The following ANK3 variants were observed in gnomAD, a reference collection of about 807,000 sequenced individuals.
ANK3 encodes ankyrin-3.
A neutral mutation model predicts 370.9 loss-of-function variants in ANK3; 57 were observed. That is an observed-to-expected ratio of 0.15 (90% CI 0.12 to 0.19). ANK3 has a LOEUF of 0.19. Among genes scored for constraint, ANK3 ranks in the 10% least tolerant of loss-of-function variants. The probability of loss-of-function intolerance (pLI) is 1.00; values close to 1 mark genes in which losing one functional copy is unlikely to be tolerated. For missense variants in ANK3, 4,439 were observed against 5,302.1 expected (o/e 0.84, Z 5.06); for synonymous variants, 1,929 against 1,946.3 (o/e 0.99, Z 0.23).
chr10:60,230,458 T>C (rs2097221877), intron 8 of ANK3, among the ~76,000 whole-genome samples: 1 of 152,208 alleles, frequency 6.6e-6, no homozygotes. Context: ...TCTCAGCACA[T>C]GTCCCACCAC....
At chr10:60,346,102 T>C (rs1456338057) in intron 1 of ANK3, among the ~76,000 whole-genome samples, 1 of 152,040 alleles carries the variant, frequency 6.6e-6, no homozygotes, top group Admixed American at 6.6e-5. Context: ...TCACTCTTTG[T>C]AACAAATACA....
chr10:60,190,789 CA>C (rs1461439520), intron 16 of ANK3, among the ~76,000 whole-genome samples: 1 of 152,014 alleles, frequency 6.6e-6, no homozygotes, highest in African/African-American at 2.4e-5. Flanking sequence ...CAATCCTAAG[CA>C]AAAAGAACAA....
At chr10:60,538,243 C>G (rs1415828211) in intron 2 of ANK3, among the ~76,000 whole-genome samples, 1 of 151,828 alleles carries the variant, frequency 6.6e-6, no homozygotes, top group Non-Finnish European at 1.5e-5. Flanking sequence ...ACAAGGATAA[C>G]AGATAAGGGA....
intron 1 of ANK3, among the ~76,000 whole-genome samples, chr10:60,283,652 T>TG (rs1361537798): frequency 6.6e-6 from 1 of 152,204 alleles, no homozygotes; most frequent in Non-Finnish European, 1.5e-5. Flanking sequence ...GAATCATGTA[T>TG]GTTTTTCAAG....
At chr10:60,441,634 A>G (rs1464567925) in intron 2 of ANK3, among the ~76,000 whole-genome samples, 1 of 152,188 alleles carries the variant, frequency 6.6e-6, no homozygotes, top group African/African-American at 2.4e-5. Context: ...ATCTGGCATA[A>G]TAAGTAAAAT....
intron 2 of ANK3, among the ~76,000 whole-genome samples, chr10:60,558,149 AC>A (rs1401765910): frequency 6.6e-6 from 1 of 152,138 alleles, no homozygotes; most frequent in East Asian, 1.9e-4. Context: ...TGAATTCAAT[AC>A]CTTTTATAGA....
Position 60,579,326 on chromosome 10 carries a change from T to TAAA in ANK3, c.96+35857_96+35859dup, listed in dbSNP as rs763281984. 8.5e-4 allele frequency among the ~76,000 whole-genome samples: 59 copies of TAAA among 69,024 alleles called. 1 individual carries two copies. Among genetic ancestry groups the TAAA allele is most frequent in the African/African-American group, 2.4e-3 (41 of 16,758 alleles). 45.3% of individuals were successfully genotyped at this position (69,024 alleles called of 152,430 possible). A position where few individuals can be genotyped will look rare whatever the true frequency, so the allele number is the denominator to read the frequency against. ...GCACCAGAGCGAGACTCTCTCTCAA[T>TAAA]AAAAAAAAAAAAAAAAAAAAAAAAG... On this transcript the variant is annotated intron_variant, in intron 2 of 43. Transcript: ENST00000373827.
chr10:60,540,430 C>T (rs1380117607), intron 2 of ANK3, among the ~76,000 whole-genome samples: 1 of 151,820 alleles, frequency 6.6e-6, no homozygotes, highest in Admixed American at 6.6e-5. Flanking sequence ...CAGATAAATC[C>T]CCTTCTTTGG....
intron 1 of ANK3, among the ~76,000 whole-genome samples, chr10:60,318,251 A>G (rs1162416732): frequency 6.6e-6 from 1 of 152,188 alleles, no homozygotes; most frequent in Non-Finnish European, 1.5e-5. Flanking sequence ...ATACTAGCTC[A>G]TATGTTTAAA....
intron 2 of ANK3, among the ~76,000 whole-genome samples, chr10:60,432,404 C>T (rs942602149): frequency 6.6e-6 from 1 of 152,184 alleles, no homozygotes; most frequent in Non-Finnish European, 1.5e-5. Context: ...CTCTGAAGGA[C>T]ATTAGGCCAC....
chr10:60,330,012 A>T (rs560418274), intron 1 of ANK3, among the ~76,000 whole-genome samples: 164 of 152,232 alleles, frequency 1.1e-3, no homozygotes, highest in Admixed American at 1.7e-3. Flanking sequence ...CTTTGACAAA[A>T]CTGACAAAAA....
chr10:60,477,773 G>A (rs10994369), intron 2 of ANK3, among the ~76,000 whole-genome samples: 57,496 of 151,666 alleles, frequency 0.38, 11,467 homozygotes, highest in Non-Finnish European at 0.45. Flanking sequence ...AAGCAAAAAA[G>A]GATAATAGAG....
At position 60,166,640 on chromosome 10, in the gene ANK3, A is replaced by G. The variant is rs10994234; in HGVS notation, c.2565T>C (p.Asn855=). 0.011 allele frequency: 18,474 copies of G among 1,613,668 alleles called. 736 individuals carry two copies. Among genetic ancestry groups the G allele is most frequent in the African/African-American group, 0.11 (8,532 of 74,968 alleles). Residue 855 remains asparagine, a synonymous_variant, in exon 23 of 44, where the codon AAT becomes AAC. Transcript: ENST00000280772. ...DMSDDEVRKA[N]APEMLSDGEY... is the part of the protein sequence containing the mutation. ...CGCCATCACTGAGCATTTCAGGGGCATTGGCTTTACGAACTGCATGATTGA... is the reference window on the plus strand; with the variant it reads ...CGCCATCACTGAGCATTTCAGGGGCGTTGGCTTTACGAACTGCATGATTGA...
chr10:60,259,925 A>C (rs1170998971), intron 7 of ANK3, among the ~76,000 whole-genome samples: 1 of 152,218 alleles, frequency 6.6e-6, no homozygotes, highest in African/African-American at 2.4e-5. Flanking sequence ...TCAAAGTGTC[A>C]AACTAGGCCT....
chr10:60,643,451 T>C (rs1395875381), intron 1 of ANK3, among the ~76,000 whole-genome samples: 1 of 152,116 alleles, frequency 6.6e-6, no homozygotes, highest in Admixed American at 6.6e-5. Flanking sequence ...AGACAGCCTA[T>C]TGTGGGATCT....
intron 2 of ANK3, among the ~76,000 whole-genome samples, chr10:60,583,193 C>T (rs971784138): frequency 1.3e-5 from 2 of 152,170 alleles, no homozygotes; most frequent in Non-Finnish European, 2.9e-5. Context: ...AGGATGAAAT[C>T]TTGTCATTTG....
intron 1 of ANK3, among the ~76,000 whole-genome samples, chr10:60,357,551 G>A (rs146092701): frequency 2.1e-5 from 1 of 47,858 alleles, no homozygotes; most frequent in African/African-American, 5.5e-5. Flanking sequence ...AGGAAATCGA[G>A]TTGCACAGTT....
At chr10:60,664,722 T>A (rs2078975734) in intron 1 of ANK3, among the ~76,000 whole-genome samples, 1 of 152,192 alleles carries the variant, frequency 6.6e-6, no homozygotes, top group African/African-American at 2.4e-5. Context: ...AAGGTACTGA[T>A]CCATTATTTT....
intron 21 of ANK3, among the ~76,000 whole-genome samples, chr10:60,167,744 C>T (rs1355456628): frequency 6.6e-6 from 1 of 150,854 alleles, no homozygotes; most frequent in Non-Finnish European, 1.5e-5. Context: ...AATGAGACAA[C>T]TGAAAAAAAG....
Sources: gnomAD v4.1 joint callset for allele counts (sites outside exome capture counted in the v4.1 genomes callset) on GRCh38, gnomAD v4.1.1 for gene constraint, MANE v1.5 for transcripts, NCBI Gene and HGNC (gene_info 2026-07-23, HGNC 2026-07-21) for gene names.